The following SYNPO2 variants were observed in gnomAD, a reference collection of about 807,000 sequenced individuals.
SYNPO2 encodes synaptopodin 2.
SYNPO2 carries 56 observed loss-of-function variants against 85.0 expected under a neutral mutation model. That is an observed-to-expected ratio of 0.66 (90% CI 0.53 to 0.82). The LOEUF is 0.82. Ranked by LOEUF, SYNPO2 falls within the 40% of genes least tolerant of loss-of-function variation. The pLI is 0.00. For synonymous variants in SYNPO2, 602 were observed against 591.1 expected (o/e 1.02, Z -0.27); for missense variants, 1,575 against 1,534.2 (o/e 1.03, Z -0.44).
chr4:118,939,559 G>A (rs939165686), intron 1 of SYNPO2, among the ~76,000 whole-genome samples: 7 of 152,194 alleles, frequency 4.6e-5, no homozygotes, highest in East Asian at 1.9e-4. Context: ...AAGAGATTCC[G>A]TTTTGTAATT....
rs139711026 is a variant in SYNPO2, at chr4:118,852,428, A to G, written c.12+1488A>G. On this transcript the variant is annotated intron_variant, in intron 1 of 4. Coordinates refer to the SYNPO2 transcript ENST00000610556. ...TAAAGAAACACGCACACGTATGTTC[A>G]TTACAGCAGTATTCGCAATAGCAAA... Among the ~76,000 whole-genome samples the G allele has an allele frequency of 7.2e-3, 1,093 of 152,364 alleles. 18 individuals carry two copies. The highest frequency in any genetic ancestry group is 0.025 in the African/African-American group (1,047 of 41,588).
chr4:119,038,636 G>A (rs1458611780), intron 4 of SYNPO2: 22 of 867,200 alleles, frequency 2.5e-5, no homozygotes, highest in African/African-American at 1.5e-4. Flanking sequence ...ATAACTTAAG[G>A]CATTTCAACA....
chr4:118,869,802 A>T (rs563513136), intron 1 of SYNPO2, among the ~76,000 whole-genome samples: 44 of 152,328 alleles, frequency 2.9e-4, no homozygotes, highest in African/African-American at 8.2e-4. Context: ...GCTGGGGATT[A>T]AGAGAGCTGA....
chr4:118,934,143 A>G (rs888005826), intron 1 of SYNPO2, among the ~76,000 whole-genome samples: 3 of 152,136 alleles, frequency 2.0e-5, no homozygotes, highest in African/African-American at 7.2e-5. Context: ...ACTACTTTAC[A>G]CATAATTGGA....
rs1739371056 is a variant in SYNPO2 at position 119,060,307 on chromosome 4, C to G, written c.*2373C>G. ...TCGAGACATTAAGAAAAAGACAGTACATGGTGGGAAAGCTGCACATTTCTC... is the reference window on the plus strand; with the variant it reads ...TCGAGACATTAAGAAAAAGACAGTAGATGGTGGGAAAGCTGCACATTTCTC... On this transcript the variant is annotated 3_prime_UTR_variant, in exon 5 of 5. Transcript: ENST00000307142. 6.6e-6 allele frequency: 1 copy of G among 152,100 alleles called. No individual in the cohort carries two copies. Among genetic ancestry groups the G allele is most frequent in the South Asian group, 2.1e-4 (1 of 4,832 alleles). 9.4% of individuals were successfully genotyped at this position (152,100 alleles called of 1,614,324 possible).
intron 4 of SYNPO2, among the ~76,000 whole-genome samples, chr4:119,049,245 G>C (rs1270331617): frequency 2.0e-5 from 3 of 152,270 alleles, no homozygotes; most frequent in Non-Finnish European, 2.9e-5. Context: ...ATCCCTTCTA[G>C]GACCTCTGCT....
chr4:119,038,974 A>G (rs562648026), intron 4 of SYNPO2, among the ~76,000 whole-genome samples: 82 of 152,080 alleles, frequency 5.4e-4, no homozygotes, highest in Middle Eastern at 3.4e-3. Flanking sequence ...GATTCTAAAC[A>G]TGGGTTTGGA....
At chr4:119,026,378 A>G (rs1737944035) in intron 2 of SYNPO2, among the ~76,000 whole-genome samples, 1 of 152,220 alleles carries the variant, frequency 6.6e-6, no homozygotes, top group Admixed American at 6.5e-5. Context: ...AGCTGAATTT[A>G]GGATGGATTC....
At chr4:118,977,793 G>C (rs923083808) in intron 1 of SYNPO2, among the ~76,000 whole-genome samples, 1 of 152,196 alleles carries the variant, frequency 6.6e-6, no homozygotes, top group Non-Finnish European at 1.5e-5. Flanking sequence ...ATCATGGTGA[G>C]TAGTGCTTGA....
At chr4:118,917,439 C>A (rs1194618790) in intron 1 of SYNPO2, among the ~76,000 whole-genome samples, 1 of 151,860 alleles carries the variant, frequency 6.6e-6, no homozygotes, top group East Asian at 1.9e-4. Flanking sequence ...AAGAAACAAA[C>A]AACAAAAAAG....
chr4:118,898,654 C>T (rs1447069730), intron 1 of SYNPO2, among the ~76,000 whole-genome samples: 3 of 152,082 alleles, frequency 2.0e-5, no homozygotes, highest in African/African-American at 7.2e-5. Flanking sequence ...TAGTAAATGG[C>T]AAAACCAGGA....
intron 1 of SYNPO2, among the ~76,000 whole-genome samples, chr4:118,908,888 T>A (rs1232455278): frequency 6.6e-6 from 1 of 152,210 alleles, no homozygotes; most frequent in African/African-American, 2.4e-5. Context: ...TTACAGAATT[T>A]AGTTTTAATA....
At chr4:118,977,347 G>A (rs1735822504) in intron 1 of SYNPO2, among the ~76,000 whole-genome samples, 1 of 152,352 alleles carries the variant, frequency 6.6e-6, no homozygotes, top group African/African-American at 2.4e-5. Flanking sequence ...CTCCGAGTGC[G>A]GGGCCTGCCA....
intron 1 of SYNPO2, among the ~76,000 whole-genome samples, chr4:118,899,468 C>A (rs1416751557): frequency 2.0e-5 from 3 of 151,910 alleles, no homozygotes; most frequent in Admixed American, 6.6e-5. Flanking sequence ...TGATGTGACC[C>A]CATGGGGTAC....
At chr4:118,904,403 A>G (rs773469129) in intron 1 of SYNPO2, among the ~76,000 whole-genome samples, 5 of 152,204 alleles carry the variant, frequency 3.3e-5, no homozygotes, top group African/African-American at 7.2e-5. Context: ...GTGGCATTTA[A>G]TAGTTTTAGA....
At chr4:118,986,783 A>C (rs1736237740) in intron 1 of SYNPO2, among the ~76,000 whole-genome samples, 2 of 152,212 alleles carry the variant, frequency 1.3e-5, no homozygotes, top group Admixed American at 1.3e-4. Context: ...CATGATGTAC[A>C]TACTCTTCCT....
At chr4:119,010,375 C>A (rs1466002410) in intron 1 of SYNPO2, among the ~76,000 whole-genome samples, 3 of 152,116 alleles carry the variant, frequency 2.0e-5, no homozygotes, top group Non-Finnish European at 2.9e-5. Flanking sequence ...GTGGCAGCGG[C>A]AAGAGAAAAT....
At chr4:119,039,724 T>C (rs560652935) in intron 4 of SYNPO2, among the ~76,000 whole-genome samples, 1 of 152,254 alleles carries the variant, frequency 6.6e-6, no homozygotes, top group East Asian at 1.9e-4. Flanking sequence ...AAGAACAGAA[T>C]AGTGATGAGA....
intron 1 of SYNPO2, among the ~76,000 whole-genome samples, chr4:118,940,671 G>A (rs1251682305): frequency 1.3e-5 from 2 of 152,082 alleles, no homozygotes; most frequent in Non-Finnish European, 2.9e-5. Context: ...GAGTAGTCAG[G>A]GAAAGCACCC....
Sources: gnomAD v4.1 joint callset for allele counts (sites outside exome capture counted in the v4.1 genomes callset) on GRCh38, gnomAD v4.1.1 for gene constraint, MANE v1.5 for transcripts, NCBI Gene and HGNC (gene_info 2026-07-23, HGNC 2026-07-21) for gene names.